PRMT3: variants seen among roughly 807,000 people sequenced by gnomAD.
The protein encoded by PRMT3 is protein arginine N-methyltransferase 3.
A neutral mutation model predicts 71.9 loss-of-function variants in PRMT3; 62 were observed. The observed-to-expected ratio is 0.86, with a 90% CI of 0.70 to 1.07. The LOEUF (loss-of-function observed/expected upper bound fraction) is 1.07, where lower values mean the gene tolerates loss of function less well. Ranked by LOEUF, PRMT3 falls within the 50% of genes least tolerant of loss-of-function variation. The probability of loss-of-function intolerance (pLI) is 0.00; values close to 1 mark genes in which losing one functional copy is unlikely to be tolerated. For synonymous variants in PRMT3, 213 were observed against 220.4 expected (o/e 0.97, Z 0.30); for missense variants, 663 against 643.0 (o/e 1.03, Z -0.34).
intron 10 of PRMT3, among the ~76,000 whole-genome samples, chr11:20,434,976 G>A (rs542922073): frequency 6.6e-6 from 1 of 152,270 alleles, no homozygotes; most frequent in Admixed American, 6.5e-5. Flanking sequence ...TTTGGGCAGT[G>A]TGACCATTTC....
chr11:20,480,802 A>T (rs1291567284), intron 13 of PRMT3, among the ~76,000 whole-genome samples: 3 of 152,064 alleles, frequency 2.0e-5, no homozygotes, highest in Non-Finnish European at 4.4e-5. Flanking sequence ...ATCAATGATG[A>T]CTCCAAGGTT....
At chr11:20,431,011 G>A (rs965794212) in intron 10 of PRMT3, among the ~76,000 whole-genome samples, 1 of 152,100 alleles carries the variant, frequency 6.6e-6, no homozygotes, top group Non-Finnish European at 1.5e-5. Context: ...TTCAAAATAA[G>A]CATCCCTAAT....
intron 13 of PRMT3, among the ~76,000 whole-genome samples, chr11:20,474,194 CTGGCT>C (rs1565228340): frequency 1.3e-5 from 2 of 152,206 alleles, no homozygotes; most frequent in Non-Finnish European, 2.9e-5. Flanking sequence ...AAGAAGGAGT[CTGGCT>C]CCTTTTTGGT....
chr11:20,408,432 T>TAAA (rs1849120751), intron 9 of PRMT3, among the ~76,000 whole-genome samples: 1 of 152,112 alleles, frequency 6.6e-6, no homozygotes, highest in African/African-American at 2.4e-5. Context: ...GACTAAGAGT[T>TAAA]ATTTGTCTTT....
At chr11:20,399,019 A>G (rs1848893116) in intron 7 of PRMT3, among the ~76,000 whole-genome samples, 1 of 152,220 alleles carries the variant, frequency 6.6e-6, no homozygotes, top group Non-Finnish European at 1.5e-5. Context: ...AGTATTATAG[A>G]TTGTAAAATA....
intron 15 of PRMT3, among the ~76,000 whole-genome samples, chr11:20,506,717 C>T (rs1372177227): frequency 1.3e-5 from 2 of 152,086 alleles, no homozygotes; most frequent in African/African-American, 4.8e-5. Context: ...TATATGGAGC[C>T]TCATTGTGTC....
At chr11:20,467,594 A>G (rs1850542104) in intron 13 of PRMT3, among the ~76,000 whole-genome samples, 1 of 140,606 alleles carries the variant, frequency 7.1e-6, no homozygotes, top group Admixed American at 7.2e-5. Context: ...TGAAGAGGGA[A>G]AGAGAATATG....
rs147883618 is a variant in PRMT3 at position 20,447,896 on chromosome 11, C to A, written c.994-4234C>A. On this transcript the variant is annotated intron_variant, in intron 10 of 15. Transcript: ENST00000331079. ...TATAGTTGGTTTTTTTCTATGCAAACAAAAGTGACTGCTTTGGAAACACTC... is the reference window on the plus strand; with the variant it reads ...TATAGTTGGTTTTTTTCTATGCAAAAAAAAGTGACTGCTTTGGAAACACTC... Among the ~76,000 whole-genome samples, 242 of 151,962 alleles carry A rather than the reference C, an allele frequency of 1.6e-3. 2 individuals are homozygous for A. Among genetic ancestry groups the A allele is most frequent in the African/African-American group, 5.5e-3 (227 of 41,458 alleles).
At chr11:20,482,594 G>T (rs1480903156) in intron 13 of PRMT3, among the ~76,000 whole-genome samples, 1 of 152,066 alleles carries the variant, frequency 6.6e-6, no homozygotes, top group Non-Finnish European at 1.5e-5. Context: ...GATAAGAAAT[G>T]AGTTGGACCA....
chr11:20,497,858 T>C (rs1034135196), intron 15 of PRMT3, among the ~76,000 whole-genome samples: 8 of 152,208 alleles, frequency 5.3e-5, no homozygotes, highest in African/African-American at 1.9e-4. Flanking sequence ...AGAACTAAGC[T>C]GCAAGTAACT....
intron 13 of PRMT3, among the ~76,000 whole-genome samples, chr11:20,469,640 C>T (rs752341773): frequency 6.6e-6 from 1 of 152,090 alleles, no homozygotes; most frequent in Non-Finnish European, 1.5e-5. Context: ...TTATGCATTC[C>T]TAATGCAGAA....
intron 8 of PRMT3, among the ~76,000 whole-genome samples, chr11:20,404,479 G>A (rs1377742976): frequency 4.6e-5 from 7 of 151,736 alleles, no homozygotes; most frequent in Admixed American, 1.3e-4. Flanking sequence ...TGATCCGCCC[G>A]CCTCGGCCTC....
At chr11:20,411,390 A>C (rs980478272) in intron 9 of PRMT3, among the ~76,000 whole-genome samples, 1 of 152,106 alleles carries the variant, frequency 6.6e-6, no homozygotes, top group African/African-American at 2.4e-5. Flanking sequence ...CATATGTCAA[A>C]CTAGTCTTTG....
chr11:20,477,457 T>C (rs1487037286), intron 13 of PRMT3, among the ~76,000 whole-genome samples: 3 of 151,934 alleles, frequency 2.0e-5, no homozygotes, highest in Non-Finnish European at 4.4e-5. Context: ...CTCGGGATGC[T>C]GAAGCAGGAG....
intron 10 of PRMT3, among the ~76,000 whole-genome samples, chr11:20,440,614 T>A (rs981711396): frequency 1.5e-4 from 23 of 151,676 alleles, no homozygotes; most frequent in African/African-American, 5.4e-4. Flanking sequence ...GGATGTCTTT[T>A]ATGTACAATG....
chr11:20,389,727 A>AT lies in PRMT3; in HGVS notation c.165-15dup. On this transcript the variant is annotated splice_polypyrimidine_tract_variant and intron_variant, in intron 2 of 15. Coordinates refer to ENST00000331079, the MANE Select transcript of PRMT3 (RefSeq NM_005788.4). ...TCTTAGGGGACTATTCCATGAAGCT[A>AT]TTGCTTGATTTTTCAGGTTATTCAC... is the stretch of plus-strand genomic sequence containing the variant. 6.4e-7 allele frequency: 1 copy of AT among 1,571,020 alleles called. No homozygotes were observed.
At position 20,389,727 on chromosome 11, in the gene PRMT3, A is replaced by G. The variant is rs773297616; in HGVS notation, c.165-17A>G. ...TCTTAGGGGACTATTCCATGAAGCT[A>G]TTGCTTGATTTTTCAGGTTATTCAC... is the stretch of plus-strand genomic sequence containing the variant. On this transcript the variant is annotated splice_polypyrimidine_tract_variant and intron_variant, in intron 2 of 15. Coordinates refer to ENST00000331079, the MANE Select transcript of PRMT3 (RefSeq NM_005788.4). 2.5e-6 allele frequency: 4 copies of G among 1,570,906 alleles called. No individual in the cohort carries two copies. The highest frequency in any genetic ancestry group is 2.2e-5 in the South Asian group (2 of 89,676).
intron 10 of PRMT3, among the ~76,000 whole-genome samples, chr11:20,449,523 C>T (rs976660728): frequency 6.6e-6 from 1 of 152,054 alleles, no homozygotes; most frequent in Non-Finnish European, 1.5e-5. Flanking sequence ...CATTCACTCC[C>T]CATTTATGTG....
chr11:20,419,140 C>T (rs1449920124), intron 9 of PRMT3, among the ~76,000 whole-genome samples: 1 of 152,194 alleles, frequency 6.6e-6, no homozygotes, highest in Non-Finnish European at 1.5e-5. Context: ...CTTTATCTTA[C>T]ACCTATAGTA....
Sources: allele counts gnomAD v4.1 joint callset (sites outside exome capture counted in the v4.1 genomes callset), GRCh38; gene constraint gnomAD v4.1.1; transcripts MANE v1.5; gene names NCBI Gene and HGNC (gene_info 2026-07-23, HGNC 2026-07-21).